The following CACNA1E variants were observed in gnomAD, a reference collection of about 807,000 sequenced individuals.
The protein encoded by CACNA1E is calcium voltage-gated channel subunit alpha1 E.
In CACNA1E, 40 loss-of-function variants were observed where a neutral mutation model predicts 259.2. The ratio of observed to expected loss-of-function variants is 0.15; its 90% confidence interval spans 0.12 to 0.20. CACNA1E has a LOEUF of 0.20. CACNA1E is among the 10% of genes least tolerant of loss of function. The pLI, the probability that CACNA1E is intolerant of heterozygous loss-of-function variation, is 1.00. For synonymous variants in CACNA1E, 1,104 were observed against 1,138.5 expected, an observed-to-expected ratio of 0.97 and a Z score of 0.61; for missense variants, 1,874 against 3,040.1, an observed-to-expected ratio of 0.62 and a Z score of 9.02.
chr1:181,657,420 C>A (rs1659295758), intron 7 of CACNA1E, among the ~76,000 whole-genome samples: 1 of 151,874 alleles, frequency 6.6e-6, no homozygotes, highest in Non-Finnish European at 1.5e-5. Flanking sequence ...AAATGAATAC[C>A]AGAAGAAACA....
In CACNA1E at chr1:181,732,530, G is replaced by A. The variant is rs1558319255; in HGVS notation, c.2444G>A (p.Ser815Asn). ...CCGCTCAACCCCCTCAACCCGCTCA[G>A]CTCCCTCAACCCGCTCAATGCCCAC... is the stretch of plus-strand genomic sequence containing the variant. ...MNPLNPLNPLSSLNPLNAHPS... is the reference protein window; with the variant it reads ...MNPLNPLNPLNSLNPLNAHPS... The change falls in exon 20 of 48, where the codon AGC (serine) becomes AAC (asparagine). Residue 815 changes from serine to asparagine, a missense_variant. Physicochemically the swap from Ser to Asn is conservative, Grantham distance 46. This residue lies in a region of CACNA1E where 476 missense variants were observed against 514.0 expected (regional missense o/e 0.93). Coordinates refer to ENST00000367573, the MANE Select transcript of CACNA1E (RefSeq NM_001205293.3). This position sits in a 1 kb window ranked among gnomAD's most constrained non-coding sequence, Gnocchi z 5.5. The A allele has an allele frequency of 6.4e-7, 1 of 1,551,302 alleles. No homozygotes were observed.
Position 181,643,550 on chromosome 1 carries a change from G to A in CACNA1E, c.952-7788G>A, listed in dbSNP as rs533630504. The stretch of plus-strand genomic sequence containing the variant: ...CTGCCCAGTGCCAGTGGTGAGGACT[G>A]CCCACATCTGGGGTGGGCCATGCCA... On this transcript the variant is annotated intron_variant, in intron 6 of 47. Coordinates refer to ENST00000367573, the MANE Select transcript of CACNA1E (RefSeq NM_001205293.3). 2.0e-5 allele frequency among the ~76,000 whole-genome samples: 3 copies of A among 152,238 alleles called. No individual in the cohort carries two copies. The South Asian group carries it at 6.2e-4, about 32-fold the overall frequency.
chr1:181,805,958 C>T lies in CACNA1E; in HGVS notation c.*7124C>T, dbSNP rs1188717945. On this transcript the variant is annotated 3_prime_UTR_variant, in exon 48 of 48. Transcript: ENST00000367573. ...ATGTGTAACCTTGGATCCTCTTTTTCACTTAGAATATGGGTAAACTTCTTA... is the reference window on the plus strand; with the variant it reads ...ATGTGTAACCTTGGATCCTCTTTTTTACTTAGAATATGGGTAAACTTCTTA... The T allele has an allele frequency of 6.6e-6, 1 of 152,162 alleles. No homozygotes were observed. The highest frequency in any genetic ancestry group is 1.5e-5 in the Non-Finnish European group (1 of 68,034). The allele number at this position is 152,162 out of a possible 1,614,324, so 9.4% of individuals were successfully genotyped here.
At chr1:181,455,079 C>G (rs535856993) in intron 2 of CACNA1E, among the ~76,000 whole-genome samples, 3 of 152,218 alleles carry the variant, frequency 2.0e-5, no homozygotes, top group Non-Finnish European at 4.4e-5. Context: ...ATAGGATTTT[C>G]TGAGATTATA....
At chr1:181,645,574 G>A (rs773998907) in intron 6 of CACNA1E, among the ~76,000 whole-genome samples, 4 of 152,106 alleles carry the variant, frequency 2.6e-5, no homozygotes, top group Non-Finnish European at 5.9e-5. Flanking sequence ...TTAGACTCCC[G>A]TGTTATTGTT....
chr1:181,357,394 A>C (rs556839927), intron 1 of CACNA1E, among the ~76,000 whole-genome samples: 1 of 152,226 alleles, frequency 6.6e-6, no homozygotes, highest in African/African-American at 2.4e-5. Context: ...ATATGAGAAA[A>C]TGGAGATGGA....
At chr1:181,389,722 C>T (rs1349388054) in intron 1 of CACNA1E, among the ~76,000 whole-genome samples, 1 of 152,236 alleles carries the variant, frequency 6.6e-6, no homozygotes, top group Non-Finnish European at 1.5e-5. Flanking sequence ...CCTCTCATTT[C>T]CATCAGCCAT....
chr1:181,656,400 TA>T, intron 7 of CACNA1E, among the ~76,000 whole-genome samples: 1 of 152,044 alleles, frequency 6.6e-6, no homozygotes, highest in South Asian at 2.1e-4. Context: ...CAAAAGATTT[TA>T]AAAAGTAAAA....
At chr1:181,371,765 T>C (rs1256932730) in intron 1 of CACNA1E, among the ~76,000 whole-genome samples, 1 of 152,196 alleles carries the variant, frequency 6.6e-6, no homozygotes, top group African/African-American at 2.4e-5. Flanking sequence ...TTTTTCTATG[T>C]AGTGAAAGGA....
At chr1:181,441,695 A>G (rs1428031556) in intron 2 of CACNA1E, among the ~76,000 whole-genome samples, 2 of 152,206 alleles carry the variant, frequency 1.3e-5, no homozygotes, top group Non-Finnish European at 2.9e-5. Context: ...AAAGGAATTT[A>G]TCAAGCGCCG....
At chr1:181,375,814 G>T (rs1199580625) in intron 1 of CACNA1E, among the ~76,000 whole-genome samples, 2 of 152,096 alleles carry the variant, frequency 1.3e-5, no homozygotes, top group Non-Finnish European at 2.9e-5. Context: ...CCCTTGATGA[G>T]GCTGAGTTTT....
Position 181,510,493 on chromosome 1 carries a change from A to G in CACNA1E, c.283A>G (p.Ile95Val). Residue 95 changes from isoleucine (I) to valine (V), a missense_variant, in exon 2 of 48, where the codon ATC becomes GTC. This residue lies in a region of CACNA1E where 55 missense variants were observed against 156.5 expected (regional missense o/e 0.35). Transcript: ENST00000367573. The stretch of plus-strand genomic sequence containing the variant: ...CTTTCCCACGCCATTTGAGTACATG[A>G]TCCTGGCCACCATCATTGCCAACTG... ...LIDWPPFEYM[I>V]LATIIANCIV... 10 of 1,612,842 alleles carry G rather than the reference A, an allele frequency of 6.2e-6. No homozygotes were observed. Among genetic ancestry groups the G allele is most frequent in the Non-Finnish European group, 8.5e-6 (10 of 1,179,348 alleles).
In CACNA1E at chr1:181,799,191, A is replaced by G. The variant is rs746017854; in HGVS notation, c.*357A>G. 24 of 179,626 alleles carry G rather than the reference A, an allele frequency of 1.3e-4. No individual in the cohort carries two copies. Among genetic ancestry groups the G allele is most frequent in the Admixed American group, 1.2e-3 (20 of 16,872 alleles). The allele number at this position is 179,626 out of a possible 1,614,324, so 11.1% of individuals were successfully genotyped here. On this transcript the variant is annotated 3_prime_UTR_variant, in exon 48 of 48. Coordinates refer to ENST00000367573, the MANE Select transcript of CACNA1E (RefSeq NM_001205293.3). The stretch of plus-strand genomic sequence containing the variant: ...AGGGATCTAGCTGGCCTATGTCTAC[A>G]CTCAGTGCCCTGAGAAGCCTGGAAG...
intron 1 of CACNA1E, among the ~76,000 whole-genome samples, chr1:181,339,484 C>T (rs1397433910): frequency 6.6e-6 from 1 of 152,094 alleles, no homozygotes; most frequent in Admixed American, 6.5e-5. Flanking sequence ...GTCAGAACTT[C>T]CTTCCTTTTT....
chr1:181,739,404 C>T (rs920424606), intron 25 of CACNA1E, 151 bp downstream of exon 25: 3 of 636,908 alleles, frequency 4.7e-6, no homozygotes. Context: ...CCCAGCAGAG[C>T]TCCTGAGCGC....
At chr1:181,635,709 C>G (rs1301328358) in intron 6 of CACNA1E, among the ~76,000 whole-genome samples, 1 of 152,198 alleles carries the variant, frequency 6.6e-6, no homozygotes, top group Non-Finnish European at 1.5e-5. Flanking sequence ...CCAGGGGCCA[C>G]ACTCTGAGAA....
chr1:181,729,935 TCTCCCGCCC>T (rs1326112318), intron 18 of CACNA1E, among the ~76,000 whole-genome samples: 1 of 152,236 alleles, frequency 6.6e-6, no homozygotes, highest in Non-Finnish European at 1.5e-5. Flanking sequence ...GCTTCTTGGC[TCTCCCGCCC>T]CCACCTGTGC....
intron 7 of CACNA1E, among the ~76,000 whole-genome samples, chr1:181,675,883 G>A (rs1649320697): frequency 6.6e-6 from 1 of 152,220 alleles, no homozygotes; most frequent in African/African-American, 2.4e-5. Flanking sequence ...CATGCATTGT[G>A]TGTGAAGTGC....
chr1:181,762,730 C>T (rs762616389), intron 33 of CACNA1E, 73 bp downstream of exon 33: 3 of 870,058 alleles, frequency 3.4e-6, no homozygotes, highest in African/African-American at 1.7e-5. Context: ...TCTGTATATT[C>T]AGTCCATTTT....
Sources: allele counts gnomAD v4.1 joint callset (sites outside exome capture counted in the v4.1 genomes callset), GRCh38; gene constraint gnomAD v4.1.1; regional missense constraint gnomAD v4.1.1; non-coding constraint Gnocchi (gnomAD v3.1); transcripts MANE v1.5; gene names NCBI Gene and HGNC (gene_info 2026-07-23, HGNC 2026-07-21).